Variants in SUCO observed in about 807,000 individuals in gnomAD.
SUCO encodes SUN domain-containing ossification factor.
In SUCO, 57 loss-of-function variants were observed where a neutral mutation model predicts 148.1. The ratio of observed to expected loss-of-function variants is 0.38; its 90% CI spans 0.31 to 0.48. The LOEUF (loss-of-function observed/expected upper bound fraction) is 0.48. Ranked by LOEUF, SUCO falls within the 20% of genes least tolerant of loss-of-function variation. SUCO has a pLI of 0.96. For synonymous variants in SUCO, 470 were observed against 502.7 expected (o/e 0.93, Z 0.87); for missense variants, 1,331 against 1,468.2 (o/e 0.91, Z 1.53).
At chr1:172,579,469 G>A (rs375062041) in intron 15 of SUCO, among the ~76,000 whole-genome samples, 3 of 152,022 alleles carry the variant, frequency 2.0e-5, no homozygotes, top group African/African-American at 4.8e-5. Context: ...AAATGCAATC[G>A]TAATAAAGGT....
At chr1:172,558,639 T>C (rs57228077) in intron 6 of SUCO, among the ~76,000 whole-genome samples, 2,575 of 152,290 alleles carry the variant, frequency 0.017, 73 homozygotes, top group African/African-American at 0.058. Flanking sequence ...ACCAACTGTT[T>C]TGACGATGTT....
chr1:172,567,453 T>G (rs560345227), intron 6 of SUCO, among the ~76,000 whole-genome samples: 17 of 152,326 alleles, frequency 1.1e-4, no homozygotes, highest in African/African-American at 4.1e-4. Context: ...TTTAGTATTT[T>G]TTTTGTTTAG....
upstream of SUCO, chr1:172,532,819 A>G (rs1651686514): frequency 6.3e-7 from 1 of 1,586,684 alleles, no homozygotes; most frequent in African/African-American, 1.4e-5. Flanking sequence ...GTAAGGGGAA[A>G]TGCTGAGGAT....
chr1:172,605,080 C>T (rs1019496513), intron 22 of SUCO, among the ~76,000 whole-genome samples: 3 of 151,706 alleles, frequency 2.0e-5, no homozygotes, highest in Non-Finnish European at 3.0e-5. Flanking sequence ...TGGATTATAA[C>T]CCCCATTAGA....
intron 6 of SUCO, among the ~76,000 whole-genome samples, chr1:172,567,821 T>C (rs1245649952): frequency 6.6e-6 from 1 of 152,220 alleles, no homozygotes; most frequent in Middle Eastern, 3.2e-3. Flanking sequence ...AACAGATATT[T>C]CACACTTGGC....
intron 1 of SUCO, 146 bp downstream of exon 1, chr1:172,533,643 C>A (rs1307995046): frequency 7.7e-6 from 8 of 1,043,822 alleles, no homozygotes; most frequent in Middle Eastern, 2.6e-4. Flanking sequence ...CTTCTCGACT[C>A]TCCATCTGAC....
At chr1:172,571,231 G>A (rs531076747) in intron 9 of SUCO, among the ~76,000 whole-genome samples, 12 of 152,356 alleles carry the variant, frequency 7.9e-5, no homozygotes, top group African/African-American at 2.9e-4. Flanking sequence ...ACTGGTTTTC[G>A]TATTTTTTTG....
intron 3 of SUCO, among the ~76,000 whole-genome samples, chr1:172,553,896 A>T (rs920090517): frequency 2.6e-5 from 4 of 152,198 alleles, no homozygotes; most frequent in Non-Finnish European, 5.9e-5. Flanking sequence ...TACACCATAA[A>T]CTGATCAGAA....
chr1:172,554,604 G>T (rs1653583844), intron 3 of SUCO, among the ~76,000 whole-genome samples: 2 of 152,056 alleles, frequency 1.3e-5, no homozygotes, highest in South Asian at 4.1e-4. Flanking sequence ...AGGTGTGGTG[G>T]TGCACGCCTA....
rs895574821 is a variant in SUCO, at chr1:172,587,977, C to T, written c.1659-783C>T. On this transcript the variant is annotated intron_variant, in intron 17 of 23. Transcript: ENST00000263688. ...TGTATGCCACATACATACTCCACAGCCTCAAAATGGGATAGAATATTAATA... is the reference window on the plus strand; with the variant it reads ...TGTATGCCACATACATACTCCACAGTCTCAAAATGGGATAGAATATTAATA... 3.9e-5 allele frequency: 22 copies of T among 557,014 alleles called. No individual in the cohort carries two copies. In the African/African-American group the frequency reaches 4.5e-4, roughly 11 times the overall value. 34.5% of individuals were successfully genotyped at this position (557,014 alleles called of 1,614,324 possible).
chr1:172,562,894 A>G (rs894969830), intron 6 of SUCO, among the ~76,000 whole-genome samples: 2 of 151,974 alleles, frequency 1.3e-5, no homozygotes, highest in African/African-American at 4.8e-5. Context: ...TGGGGGTGGA[A>G]TTTCCCCTTG....
chr1:172,607,878 A>G (rs1212604683), intron 22 of SUCO, among the ~76,000 whole-genome samples: 2 of 151,996 alleles, frequency 1.3e-5, no homozygotes, highest in African/African-American at 4.8e-5. Flanking sequence ...GTAAAAAATT[A>G]TAATTGGTTG....
Position 172,555,993 on chromosome 1 carries a change from C to T in SUCO, c.413C>T (p.Thr138Ile). The change falls in exon 4 of 24, where the codon ACC becomes ATC. Residue 138 changes from threonine (T) to isoleucine (I), a missense_variant. This residue lies in a region of SUCO where 992 missense variants were observed against 1,093.5 expected (regional missense o/e 0.91). Coordinates refer to ENST00000263688, the MANE Select transcript of SUCO (RefSeq NM_014283.5). ...GTTGAAAATATTTCCAGCTCATCTA[C>T]CTCAGAAATCACTCCAATCTCAAAG... is the stretch of plus-strand genomic sequence containing the variant. ...ETVENISSSSTSEITPISKLD... is the reference protein window; with the variant it reads ...ETVENISSSSISEITPISKLD... 1 of 1,612,918 alleles carries T rather than the reference C, an allele frequency of 6.2e-7. No individual in the cohort carries two copies. Among genetic ancestry groups the T allele is most frequent in the East Asian group, 2.2e-5 (1 of 44,846 alleles).
In SUCO at chr1:172,551,576, C is replaced by A. The variant is rs764699418; in HGVS notation, c.127C>A (p.Gln43Lys). The change falls in exon 2 of 24, where the codon CAA becomes AAA. Residue 43 changes from glutamine (Q) to lysine (K), a missense_variant. Physicochemically the swap from Gln to Lys is moderately conservative, Grantham distance 53 (BLOSUM62 1). This residue lies in a region of SUCO where 992 missense variants were observed against 1,093.5 expected (regional missense o/e 0.91). Coordinates refer to ENST00000263688, the MANE Select transcript of SUCO (RefSeq NM_014283.5). The stretch of plus-strand genomic sequence containing the variant: ...AGCTTCAGCGTCATCATATTACTCT[C>A]AAGATGACAACTGCGCACTAGAAAA... ...SSASASSYYSQDDNCALENED... is the reference protein window; with the variant it reads ...SSASASSYYSKDDNCALENED... 1 of 1,610,886 alleles carries A rather than the reference C, an allele frequency of 6.2e-7. No homozygotes were observed. Among genetic ancestry groups the A allele is most frequent in the South Asian group, 1.1e-5 (1 of 90,638 alleles).
Position 172,557,803 on chromosome 1 carries a change from A to G in SUCO, c.732+9A>G. ...ATAATTTAAAAAATGAGGTAGGTAT[A>G]TAACTTGCACTATCTCTTACTTCTT... On this transcript the variant is annotated intron_variant, in intron 6 of 23. Transcript: ENST00000263688. 1.3e-6 allele frequency: 2 copies of G among 1,583,140 alleles called. No homozygotes were observed. The highest frequency in any genetic ancestry group is 1.7e-6 in the Non-Finnish European group (2 of 1,168,856).
intron 15 of SUCO, among the ~76,000 whole-genome samples, chr1:172,583,426 G>A (rs776197590): frequency 2.6e-5 from 4 of 152,056 alleles, no homozygotes; most frequent in Admixed American, 1.3e-4. Context: ...TCATAATTTC[G>A]TGAAGATCAA....
At chr1:172,533,755 G>C (rs1170344357) in intron 1 of SUCO, among the ~76,000 whole-genome samples, 1 of 152,194 alleles carries the variant, frequency 6.6e-6, no homozygotes, top group African/African-American at 2.4e-5. Flanking sequence ...GAACCACCAA[G>C]TGCCTTTGTA....
intron 19 of SUCO, among the ~76,000 whole-genome samples, chr1:172,596,896 C>A (rs866307402): frequency 2.5e-4 from 38 of 152,342 alleles, no homozygotes; most frequent in Admixed American, 7.8e-4. Context: ...ACGGAGTCTA[C>A]AGAGGCAGGC....
rs1656203005 is a variant in SUCO at position 172,585,902 on chromosome 1, A to G, written c.1612A>G (p.Lys538Glu). Residue 538 changes from lysine (K) to glutamate (E), a missense_variant, in exon 17 of 24, where the codon AAA becomes GAA. Coordinates refer to ENST00000263688, the MANE Select transcript of SUCO (RefSeq NM_014283.5). ...GAATGCCACTGCCACAGCTGCACCTAAAATGCCTGAATCAACTCCTGTTTC... is the reference window on the plus strand; with the variant it reads ...GAATGCCACTGCCACAGCTGCACCTGAAATGCCTGAATCAACTCCTGTTTC... ...SENATATAAP[K>E]MPESTPVSTP... 4.3e-6 allele frequency: 7 copies of G among 1,610,986 alleles called. No homozygotes were observed. Among genetic ancestry groups the G allele is most frequent in the Non-Finnish European group, 5.1e-6 (6 of 1,178,550 alleles).
Sources: allele counts gnomAD v4.1 joint callset (sites outside exome capture counted in the v4.1 genomes callset), GRCh38; gene constraint gnomAD v4.1.1; regional missense constraint gnomAD v4.1.1; transcripts MANE v1.5; gene names NCBI Gene and HGNC (gene_info 2026-07-23, HGNC 2026-07-21).